Variants in FAM216B observed in about 807,000 individuals in gnomAD.
FAM216B encodes family with sequence similarity 216 member B, also known as protein FAM216B.
A neutral mutation model predicts 12.9 loss-of-function variants in FAM216B; 11 were observed. The ratio of observed to expected loss-of-function variants is 0.86; its 90% CI spans 0.54 to 1.42. The LOEUF is 1.42. Among genes scored for constraint, FAM216B ranks in the 40% most tolerant of loss-of-function variants. The pLI is 0.00. For missense variants in FAM216B, 167 were observed against 162.9 expected (o/e 1.02, Z -0.14); for synonymous variants, 52 against 57.2 (o/e 0.91, Z 0.41).
Position 42,781,646 on chromosome 13 carries a change from G to T in FAM216B, c.-33G>T, listed in dbSNP as rs1873859990. Reference sequence around the variant, plus strand: ...AATAGGAATGGCAGCTTTTAAAAGTGGGGGAACTACAGTATAGGGTAAGTT... The same window carrying T: ...AATAGGAATGGCAGCTTTTAAAAGTTGGGGAACTACAGTATAGGGTAAGTT... On this transcript the variant is annotated 5_prime_UTR_variant, in exon 1 of 4. Coordinates refer to ENST00000313851, the MANE Select transcript of FAM216B (RefSeq NM_001318932.2). The T allele has an allele frequency of 6.6e-6, 1 of 152,188 alleles. No individual in the cohort carries two copies. Among genetic ancestry groups the T allele is most frequent in the Non-Finnish European group, 1.5e-5 (1 of 68,030 alleles). 9.4% of individuals were successfully genotyped at this position (152,188 alleles called of 1,614,324 possible).
chr13:42,782,507 T>C (rs1445318528), intron 1 of FAM216B, among the ~76,000 whole-genome samples: 1 of 152,260 alleles, frequency 6.6e-6, no homozygotes, highest in Non-Finnish European at 1.5e-5. Context: ...CAGGTATTAA[T>C]AATAATCTAC....
rs71202236 is a variant in FAM216B at position 42,784,173 on chromosome 13, CT to C, written c.99+27del. 51,232 of 745,132 alleles carry C rather than the reference CT, an allele frequency of 0.069. 1 individual carries two copies. Among genetic ancestry groups the C allele is most frequent in the East Asian group, 0.12 (3,408 of 28,560 alleles). 46.2% of individuals were successfully genotyped at this position (745,132 alleles called of 1,614,324 possible). The stretch of plus-strand genomic sequence containing the variant: ...TGACACTTCCTTACTAAAGGTATGG[CT>C]TTTTTTTTTTTTTTTTTTTCACAGA... On this transcript the variant is annotated splice_region_variant and intron_variant, in intron 2 of 3. Coordinates refer to ENST00000313851, the MANE Select transcript of FAM216B (RefSeq NM_001318932.2).
intron 2 of FAM216B, among the ~76,000 whole-genome samples, chr13:42,785,276 T>C (rs944620841): frequency 6.6e-6 from 1 of 152,200 alleles, no homozygotes; most frequent in African/African-American, 2.4e-5. Context: ...TTTTCGATAC[T>C]AAGTTTAAGG....
intron 3 of FAM216B, among the ~76,000 whole-genome samples, chr13:42,787,993 C>T (rs1374405592): frequency 6.6e-6 from 1 of 152,056 alleles, no homozygotes; most frequent in Admixed American, 6.6e-5. Context: ...TCAGTCTGGT[C>T]TCCATGATTG....
At chr13:42,782,641 G>A (rs994209223) in intron 1 of FAM216B, among the ~76,000 whole-genome samples, 18 of 152,142 alleles carry the variant, frequency 1.2e-4, no homozygotes, top group African/African-American at 4.1e-4. Context: ...TGCACTTTGT[G>A]ATTTGGCAAC....
At position 42,791,346 on chromosome 13, in the gene FAM216B, A is replaced by G. The variant is rs2138040328; in HGVS notation, c.*2556A>G. 1 of 152,338 alleles carries G rather than the reference A, an allele frequency of 6.6e-6. No individual in the cohort carries two copies. The highest frequency in any genetic ancestry group is 1.9e-4 in the East Asian group (1 of 5,192). 9.4% of individuals were successfully genotyped at this position (152,338 alleles called of 1,614,324 possible). A position where few individuals can be genotyped will look rare whatever the true frequency, so the allele number is the denominator to read the frequency against. The stretch of plus-strand genomic sequence containing the variant: ...GTTGGCTCTCAGTACATATGGTGTC[A>G]GCTCATGTGTCTCCAGCCCCTGTAG... On this transcript the variant is annotated 3_prime_UTR_variant, in exon 4 of 4. Transcript: ENST00000313851.
At chr13:42,784,009 T>G (rs937258144) in intron 1 of FAM216B, 45 bp from the exon 2 acceptor site, 102 of 1,341,476 alleles carry the variant, frequency 7.6e-5, no homozygotes, top group Non-Finnish European at 9.1e-5. Context: ...CCAAAATTGG[T>G]TGAGCTAAAA....
intron 2 of FAM216B, 138 bp from the exon 3 acceptor site, chr13:42,786,625 T>C (rs780359524): frequency 2.4e-4 from 260 of 1,061,718 alleles, no homozygotes; most frequent in Non-Finnish European, 3.3e-4. Context: ...TATTTTCCAA[T>C]TGTTGCACAT....
chr13:42,782,492 A>G (rs546981145), intron 1 of FAM216B, among the ~76,000 whole-genome samples: 1 of 152,214 alleles, frequency 6.6e-6, no homozygotes, highest in African/African-American at 2.4e-5. Flanking sequence ...CAGTTAATAT[A>G]CGTGCAGGTA....
At chr13:42,785,263 A>G (rs1397595667) in intron 2 of FAM216B, among the ~76,000 whole-genome samples, 1 of 152,216 alleles carries the variant, frequency 6.6e-6, no homozygotes, top group Admixed American at 6.5e-5. Context: ...CACTCTAGAT[A>G]TATTTTCGAT....
At chr13:42,786,647 A>AC in intron 2 of FAM216B, 116 bp from the exon 3 acceptor site, 6 of 1,364,854 alleles carry the variant, frequency 4.4e-6, no homozygotes, top group Non-Finnish European at 5.9e-6. Flanking sequence ...AAAAAAAAAA[A>AC]ACATATGGTT....
chr13:42,783,579 G>C (rs1351861405), intron 1 of FAM216B, among the ~76,000 whole-genome samples: 1 of 152,018 alleles, frequency 6.6e-6, no homozygotes, highest in Non-Finnish European at 1.5e-5. Context: ...TGGATTTGGA[G>C]CTTTTCAGAT....
At chr13:42,784,598 A>G (rs1766404777) in intron 2 of FAM216B, among the ~76,000 whole-genome samples, 1 of 147,894 alleles carries the variant, frequency 6.8e-6, no homozygotes, top group South Asian at 2.1e-4. Flanking sequence ...CGGGTGGATC[A>G]CGAGGTCAGG....
Position 42,790,010 on chromosome 13 carries a change from C to T in FAM216B, c.*1220C>T, listed in dbSNP as rs559243389. ...AGGAATGGGAAGTGTGGTTGGCCCA[C>T]TAGTCTGATAAGAAGTCTTGGTGAA... On this transcript the variant is annotated 3_prime_UTR_variant, in exon 4 of 4. Coordinates refer to ENST00000313851, the MANE Select transcript of FAM216B (RefSeq NM_001318932.2). The T allele has an allele frequency of 6.6e-6, 1 of 152,174 alleles. No individual in the cohort carries two copies. Among genetic ancestry groups the T allele is most frequent in the Non-Finnish European group, 1.5e-5 (1 of 68,024 alleles). The allele number at this position is 152,174 out of a possible 1,614,324, so 9.4% of individuals were successfully genotyped here. A position where few individuals can be genotyped will look rare whatever the true frequency, so the allele number is the denominator to read the frequency against.
At chr13:42,782,235 G>A (rs1873883433) in intron 1 of FAM216B, among the ~76,000 whole-genome samples, 2 of 152,326 alleles carry the variant, frequency 1.3e-5, no homozygotes, top group South Asian at 4.1e-4. Context: ...GCATGTGTAT[G>A]TTTATGAACC....
chr13:42,786,760 C>T lies in FAM216B; in HGVS notation c.100-3C>T, dbSNP rs373692405. On this transcript the variant is annotated splice_region_variant and splice_polypyrimidine_tract_variant and intron_variant, in intron 2 of 3. Coordinates refer to ENST00000313851, the MANE Select transcript of FAM216B (RefSeq NM_001318932.2). ...ATCAAAATCACCTGTTCTGTTCCAA[C>T]AGGCCCTCAACCAAGGGCAACAGCG... is the stretch of plus-strand genomic sequence containing the variant. 3.4e-4 allele frequency: 556 copies of T among 1,613,770 alleles called. 10 individuals carry two copies. In the South Asian group the frequency reaches 5.8e-3, roughly 17 times the overall value.
chr13:42,790,023 A>T lies in FAM216B; in HGVS notation c.*1233A>T, dbSNP rs1874258674. The T allele has an allele frequency of 6.6e-6, 1 of 152,166 alleles. No homozygotes were observed. The highest frequency in any genetic ancestry group is 2.1e-4 in the South Asian group (1 of 4,828). The allele number at this position is 152,166 out of a possible 1,614,324, so 9.4% of individuals were successfully genotyped here. A position where few individuals can be genotyped will look rare whatever the true frequency, so the allele number is the denominator to read the frequency against. On this transcript the variant is annotated 3_prime_UTR_variant, in exon 4 of 4. Transcript: ENST00000313851. ...GTGGTTGGCCCACTAGTCTGATAAGAAGTCTTGGTGAAGCTAATACTGACC... is the reference window on the plus strand; with the variant it reads ...GTGGTTGGCCCACTAGTCTGATAAGTAGTCTTGGTGAAGCTAATACTGACC...
At chr13:42,786,413 G>C (rs1874088142) in intron 2 of FAM216B, among the ~76,000 whole-genome samples, 1 of 152,068 alleles carries the variant, frequency 6.6e-6, no homozygotes, top group Non-Finnish European at 1.5e-5. Flanking sequence ...CAGTCCAGAG[G>C]CCTGGCATAC....
Position 42,788,968 on chromosome 13 carries a change from G to A in FAM216B, c.*178G>A, listed in dbSNP as rs1042564856. The stretch of plus-strand genomic sequence containing the variant: ...AAGACCAAGAGGTTTAAGAGCAATG[G>A]AGCCGAGAGTAAGCAAGCCTTTCCA... On this transcript the variant is annotated 3_prime_UTR_variant, in exon 4 of 4. Coordinates refer to ENST00000313851, the MANE Select transcript of FAM216B (RefSeq NM_001318932.2). The A allele has an allele frequency of 2.6e-5, 14 of 547,080 alleles. No homozygotes were observed. Among genetic ancestry groups the A allele is most frequent in the African/African-American group, 2.1e-4 (11 of 53,136 alleles). 33.9% of individuals were successfully genotyped at this position (547,080 alleles called of 1,614,324 possible). A position where few individuals can be genotyped will look rare whatever the true frequency, so the allele number is the denominator to read the frequency against.
Sources: allele counts gnomAD v4.1 joint callset (sites outside exome capture counted in the v4.1 genomes callset), GRCh38; gene constraint gnomAD v4.1.1; transcripts MANE v1.5; gene names NCBI Gene and HGNC (gene_info 2026-07-23, HGNC 2026-07-21).